The following PCDHGB4 variants were observed in gnomAD, a reference collection of about 807,000 sequenced individuals.
The protein encoded by PCDHGB4 is protocadherin gamma subfamily B, 4, also known as protocadherin gamma-B4.
A neutral mutation model predicts 60.5 loss-of-function variants in PCDHGB4; 38 were observed. That is an observed-to-expected ratio of 0.63 (90% CI 0.48 to 0.82). PCDHGB4 has a LOEUF of 0.82. Among genes scored for constraint, PCDHGB4 ranks in the 40% least tolerant of loss-of-function variants. PCDHGB4 has a pLI of 0.00. For missense variants in PCDHGB4, 1,109 were observed against 1,209.6 expected, an observed-to-expected ratio of 0.92 and a Z score of 1.23; for synonymous variants, 456 against 509.7, an observed-to-expected ratio of 0.89 and a Z score of 1.42.
chr5:141,430,705 T>C (rs914464861), intron 1 of PCDHGB4: 3 of 1,477,958 alleles, frequency 2.0e-6, no homozygotes, highest in African/African-American at 2.8e-5. Flanking sequence ...AAGGAACTGC[T>C]CCTGACTTCA....
At chr5:141,422,187 T>A in intron 1 of PCDHGB4, 1 of 1,561,762 alleles carries the variant, frequency 6.4e-7, no homozygotes, top group South Asian at 1.2e-5. Context: ...AGATGGAAAT[T>A]CAAGGCCAAG....
At chr5:141,427,969 A>G (rs1239461810) in intron 1 of PCDHGB4, 1 of 1,591,942 alleles carries the variant, frequency 6.3e-7, no homozygotes, top group Admixed American at 1.7e-5. Context: ...CGGGTGCTGT[A>G]CCCCGCGCTG....
chr5:141,413,352 G>C lies in PCDHGB4; in HGVS notation c.2397+23071G>C, dbSNP rs896091511. ...ACATCTCCAAGGACTTGGGTCTGGC[G>C]CCCCGGGAGCTGGCGGAGCGCGGAG... On this transcript the variant is annotated intron_variant, in intron 1 of 3. Coordinates refer to ENST00000519479, the MANE Select transcript of PCDHGB4 (RefSeq NM_003736.4). 1.9e-6 allele frequency: 3 copies of C among 1,613,858 alleles called. No homozygotes were observed. In the African/African-American group the frequency reaches 4.0e-5, roughly 22 times the overall value.
chr5:141,428,305 G>T (rs751498223), intron 1 of PCDHGB4: 8 of 694,348 alleles, frequency 1.2e-5, no homozygotes. Flanking sequence ...GATTTACCTG[G>T]TCGTGGCCTT....
intron 1 of PCDHGB4, among the ~76,000 whole-genome samples, chr5:141,449,205 A>G (rs991001366): frequency 6.6e-6 from 1 of 152,164 alleles, no homozygotes; most frequent in Admixed American, 6.5e-5. Context: ...GTTAATTCTA[A>G]CTTTCTGTTT....
At chr5:141,394,268 C>A in intron 1 of PCDHGB4, 3 of 1,613,946 alleles carry the variant, frequency 1.9e-6, no homozygotes, top group Non-Finnish European at 2.5e-6. Flanking sequence ...AGGAGAATGC[C>A]CAGGTCACTT....
At chr5:141,414,678 G>A (rs1276367800) in intron 1 of PCDHGB4, 14 of 1,613,856 alleles carry the variant, frequency 8.7e-6, no homozygotes, top group African/African-American at 1.3e-5. Context: ...ACACCATCCA[G>A]GGGGTACCTC....
At chr5:141,418,604 G>A in intron 1 of PCDHGB4, 2 of 1,614,040 alleles carry the variant, frequency 1.2e-6, no homozygotes, top group Non-Finnish European at 1.7e-6. Context: ...CGTGTACAGG[G>A]TTAGCCTTCG....
chr5:141,485,177 C>T lies in PCDHGB4; in HGVS notation c.2398-9630C>T. ...AGAGAATTAGCGGGCGGCAGCAATG[C>T]TCCGCAAGGTGAGAAGCTGGACAGA... On this transcript the variant is annotated intron_variant, in intron 1 of 3. Coordinates refer to ENST00000519479, the MANE Select transcript of PCDHGB4 (RefSeq NM_003736.4). This position sits in a 1 kb window ranked among gnomAD's most constrained non-coding sequence, Gnocchi z 5.7. 1 of 1,612,024 alleles carries T rather than the reference C, an allele frequency of 6.2e-7. No homozygotes were observed. Among genetic ancestry groups the T allele is most frequent in the South Asian group, 1.1e-5 (1 of 90,956 alleles).
At chr5:141,424,094 A>G (rs1036391991) in intron 1 of PCDHGB4, 11 of 864,422 alleles carry the variant, frequency 1.3e-5, no homozygotes, top group Non-Finnish European at 1.4e-5. Context: ...ATTATTTGCT[A>G]TTACTGCTAA....
At chr5:141,460,965 G>A (rs1398642676) in intron 1 of PCDHGB4, among the ~76,000 whole-genome samples, 21 of 114,476 alleles carry the variant, frequency 1.8e-4, no homozygotes, top group African/African-American at 8.5e-4. Flanking sequence ...ATATATATGT[G>A]TGTGTGTGTG....
At chr5:141,404,044 A>G (rs752955570) in intron 1 of PCDHGB4, 3 of 1,613,936 alleles carry the variant, frequency 1.9e-6, no homozygotes, top group South Asian at 1.1e-5. Context: ...CTCAGGGAAC[A>G]GTAATTCTTC....
chr5:141,393,464 C>T (rs1264655164), intron 1 of PCDHGB4: 10 of 1,613,912 alleles, frequency 6.2e-6, no homozygotes, highest in African/African-American at 2.7e-5. Context: ...CCTCGGATGG[C>T]GGCAAGCCGC....
intron 1 of PCDHGB4, chr5:141,408,907 C>T: frequency 6.2e-7 from 1 of 1,613,244 alleles, no homozygotes; most frequent in East Asian, 2.2e-5. Context: ...TCAAGGATAC[C>T]AATGATAACC....
chr5:141,400,798 A>G (rs2094077333), intron 1 of PCDHGB4: 2 of 559,100 alleles, frequency 3.6e-6, no homozygotes, highest in Non-Finnish European at 6.3e-6. Flanking sequence ...TCTTTCTCAA[A>G]GCTAATGAAT....
chr5:141,480,533 G>A (rs2099521308), intron 1 of PCDHGB4, among the ~76,000 whole-genome samples: 1 of 127,758 alleles, frequency 7.8e-6, no homozygotes, highest in African/African-American at 3.6e-5. Flanking sequence ...CAAAGTAGAA[G>A]CACATATGAA....
At position 141,389,745 on chromosome 5, in the gene PCDHGB4, A is replaced by G; in HGVS notation, c.1861A>G (p.Thr621Ala). 1 of 1,612,748 alleles carries G rather than the reference A, an allele frequency of 6.2e-7. No individual in the cohort carries two copies. The highest frequency in any genetic ancestry group is 8.5e-7 in the Non-Finnish European group (1 of 1,179,690). Residue 621 changes from threonine (T) to alanine (A), a missense_variant, in exon 1 of 4, where the codon ACG becomes GCG. Thr to Ala is a moderately conservative substitution (Grantham distance 58, BLOSUM62 0). Around this residue, in one of 2 missense-constraint regions of PCDHGB4, gnomAD observed 1,068 missense variants for 1,089.9 expected, o/e 0.98. Coordinates refer to ENST00000519479, the MANE Select transcript of PCDHGB4 (RefSeq NM_003736.4). ...EPGLFSLGLR[T>A]GEVRTARALG... ...CGGGCTCTTCAGCCTGGGGCTGCGCACGGGCGAAGTGCGCACAGCGCGTGC... is the reference window on the plus strand; with the variant it reads ...CGGGCTCTTCAGCCTGGGGCTGCGCGCGGGCGAAGTGCGCACAGCGCGTGC...
In PCDHGB4 at chr5:141,489,189, C is replaced by A; in HGVS notation, c.2398-5618C>A. 1 of 1,341,534 alleles carries A rather than the reference C, an allele frequency of 7.5e-7. No homozygotes were observed. The highest frequency in any genetic ancestry group is 1.0e-6 in the Non-Finnish European group (1 of 975,280). 83.1% of individuals were successfully genotyped at this position (1,341,534 alleles called of 1,614,324 possible). A position where few individuals can be genotyped will look rare whatever the true frequency, so the allele number is the denominator to read the frequency against. On this transcript the variant is annotated intron_variant, in intron 1 of 3. Transcript: ENST00000519479. This position sits in a 1 kb window ranked among gnomAD's most constrained non-coding sequence, Gnocchi z 4.5. ...TGCTGCATTCCAAGCCCTGGGTCTA[C>A]CTTGGAGACAGGACAGCACAGACTT...
intron 1 of PCDHGB4, chr5:141,412,359 A>G (rs2095550851): frequency 6.6e-6 from 1 of 152,226 alleles, no homozygotes; most frequent in Non-Finnish European, 1.5e-5. Flanking sequence ...GTTTGTGATT[A>G]CCTGCTTAAT....
Sources: allele counts gnomAD v4.1 joint callset (sites outside exome capture counted in the v4.1 genomes callset), GRCh38; gene constraint gnomAD v4.1.1; regional missense constraint gnomAD v4.1.1; non-coding constraint Gnocchi (gnomAD v3.1); transcripts MANE v1.5; gene names NCBI Gene and HGNC (gene_info 2026-07-23, HGNC 2026-07-21).